The following PCCA variants were observed in gnomAD, a reference collection of about 807,000 sequenced individuals.
The protein encoded by PCCA is propionyl-CoA carboxylase alpha chain, mitochondrial.
PCCA carries 74 observed loss-of-function variants against 101.3 expected under a neutral mutation model. That is an observed-to-expected ratio of 0.73 (90% confidence interval 0.61 to 0.89). The LOEUF is 0.89. Ranked by LOEUF, PCCA falls within the 40% of genes least tolerant of loss-of-function variation. The pLI is 0.00. For missense variants in PCCA, 891 were observed against 907.0 expected (o/e 0.98, Z 0.23); for synonymous variants, 294 against 313.6 (o/e 0.94, Z 0.66).
At chr13:100,228,545 C>T (rs996732498) in intron 7 of PCCA, among the ~76,000 whole-genome samples, 4 of 151,838 alleles carry the variant, frequency 2.6e-5, no homozygotes, top group Admixed American at 6.6e-5. Context: ...CAAATATTGC[C>T]AAGCTGTATT....
chr13:100,502,203 AATCC>A (rs981723805), intron 21 of PCCA, among the ~76,000 whole-genome samples: 20 of 152,184 alleles, frequency 1.3e-4, no homozygotes, highest in Admixed American at 2.0e-4. Flanking sequence ...GATAAAAGTG[AATCC>A]ATCTCGTTCA....
At position 100,530,421 on chromosome 13, in the gene PCCA, G is replaced by A. The variant is rs2088325654; in HGVS notation, c.*255G>A. 1.7e-6 allele frequency: 1 copy of A among 574,188 alleles called. No homozygotes were observed. Among genetic ancestry groups the A allele is most frequent in the Non-Finnish European group, 3.1e-6 (1 of 320,902 alleles). The allele number at this position is 574,188 out of a possible 1,614,324, so 35.6% of individuals were successfully genotyped here. A position where few individuals can be genotyped will look rare whatever the true frequency, so the allele number is the denominator to read the frequency against. On this transcript the variant is annotated 3_prime_UTR_variant, in exon 24 of 24. Transcript: ENST00000376285. ...GTGTCAAAATTAAATCAATAAAACT[G>A]AGCATTTGTCTAAATATTAGTTTGC...
intron 12 of PCCA, among the ~76,000 whole-genome samples, chr13:100,298,049 C>T (rs928347257): frequency 4.4e-4 from 67 of 150,908 alleles, no homozygotes; most frequent in South Asian, 2.1e-4. Context: ...CATGCTAATA[C>T]GTTAACAATG....
intron 22 of PCCA, among the ~76,000 whole-genome samples, chr13:100,519,113 G>T (rs1036529766): frequency 8.5e-5 from 13 of 152,162 alleles, no homozygotes; most frequent in African/African-American, 3.1e-4. Context: ...TTTTAATATT[G>T]CATTTAGTTA....
intron 19 of PCCA, among the ~76,000 whole-genome samples, chr13:100,401,546 G>GT (rs1241095159): frequency 6.6e-6 from 1 of 150,944 alleles, no homozygotes; most frequent in African/African-American, 2.5e-5. Flanking sequence ...CCAGCCAACT[G>GT]TTTTTTTGTG....
intron 12 of PCCA, 111 bp from the exon 13 acceptor site, chr13:100,301,349 G>T: frequency 8.8e-7 from 1 of 1,132,352 alleles, no homozygotes; most frequent in Non-Finnish European, 1.3e-6. Context: ...ATGTTCAAAT[G>T]TTACATTCGA....
chr13:100,381,251 T>C (rs2076207574), intron 19 of PCCA, among the ~76,000 whole-genome samples: 1 of 151,934 alleles, frequency 6.6e-6, no homozygotes, highest in South Asian at 2.1e-4. Flanking sequence ...AGCTGGGGCA[T>C]GGTGATGGGC....
chr13:100,101,211 A>G (rs1489410609), intron 1 of PCCA, among the ~76,000 whole-genome samples: 1 of 152,184 alleles, frequency 6.6e-6, no homozygotes, highest in African/African-American at 2.4e-5. Context: ...GAACAATATC[A>G]TATCTTTGAG....
intron 21 of PCCA, among the ~76,000 whole-genome samples, chr13:100,503,231 C>T (rs886447708): frequency 6.6e-6 from 1 of 152,250 alleles, no homozygotes; most frequent in Non-Finnish European, 1.5e-5. Context: ...TGGCTCACGC[C>T]TGTAATCCCA....
intron 21 of PCCA, among the ~76,000 whole-genome samples, chr13:100,509,826 T>G (rs77269281): frequency 3.3e-5 from 5 of 149,454 alleles, no homozygotes; most frequent in African/African-American, 1.2e-4. Context: ...TTTTGTGTTT[T>G]TTTTGTTTTG....
At chr13:100,332,896 C>T (rs942043029) in intron 17 of PCCA, among the ~76,000 whole-genome samples, 1 of 152,102 alleles carries the variant, frequency 6.6e-6, no homozygotes, top group African/African-American at 2.4e-5. Context: ...AACTAGAGCT[C>T]AGAGATATCA....
chr13:100,514,220 CA>C (rs1221623507), intron 21 of PCCA, among the ~76,000 whole-genome samples: 1 of 152,142 alleles, frequency 6.6e-6, no homozygotes, highest in African/African-American at 2.4e-5. Context: ...AAGAAACATG[CA>C]AAAGATGTTA....
chr13:100,491,874 G>C (rs890620437), intron 21 of PCCA: 16 of 645,800 alleles, frequency 2.5e-5, no homozygotes, highest in South Asian at 6.0e-5. Context: ...AGTTAAATGA[G>C]AATCAAGTGG....
At chr13:100,402,260 GT>G (rs888386767) in intron 19 of PCCA, among the ~76,000 whole-genome samples, 75 of 144,010 alleles carry the variant, frequency 5.2e-4, no homozygotes, top group Non-Finnish European at 8.9e-4. Flanking sequence ...TTTGTTTTTT[GT>G]TTTTTTTTTA....
At chr13:100,216,954 C>T (rs556597870) in intron 7 of PCCA, among the ~76,000 whole-genome samples, 148 of 150,362 alleles carry the variant, frequency 9.8e-4, no homozygotes, top group African/African-American at 3.3e-3. Context: ...ACTGAAAATA[C>T]AAAAAATATT....
chr13:100,154,232 G>A lies in PCCA; in HGVS notation c.301-747G>A, dbSNP rs142143644. 9.1e-3 allele frequency among the ~76,000 whole-genome samples: 1,383 copies of A among 152,188 alleles called. 8 individuals carry two copies. The highest frequency in any genetic ancestry group is 0.032 in the South Asian group (153 of 4,820). ...AGTTAAAAAGAATAGACTCCTTTTA[G>A]AACTAAGCAGTTTACTCTTTTTCAT... On this transcript the variant is annotated intron_variant, in intron 4 of 23. Transcript: ENST00000376285.
intron 21 of PCCA, among the ~76,000 whole-genome samples, chr13:100,500,421 G>A (rs745706589): frequency 1.7e-4 from 26 of 152,106 alleles, no homozygotes; most frequent in Non-Finnish European, 3.4e-4. Flanking sequence ...ATAATAACAT[G>A]TGCATTCCAT....
intron 19 of PCCA, among the ~76,000 whole-genome samples, chr13:100,397,223 G>T (rs1304154590): frequency 1.3e-5 from 2 of 152,132 alleles, no homozygotes; most frequent in East Asian, 1.9e-4. Context: ...ATCTGCATTG[G>T]CTGGGTCGAG....
chr13:100,214,415 T>TG lies in PCCA; in HGVS notation c.600+4952_600+4953insG, dbSNP rs1555381524. 5.3e-5 allele frequency among the ~76,000 whole-genome samples: 8 copies of TG among 151,094 alleles called. No individual in the cohort carries two copies. In the South Asian group the frequency reaches 6.3e-4, roughly 12 times the overall value. Reference sequence around the variant, plus strand: ...GCATCAACGTTTTATAGTTGTTTTTTTGTGTGTGTGTGTGTGTGTTTTTTT... The same window carrying TG: ...GCATCAACGTTTTATAGTTGTTTTTTGTGTGTGTGTGTGTGTGTGTTTTTTT... On this transcript the variant is annotated intron_variant, in intron 7 of 23. Transcript: ENST00000376285.
Sources: allele counts gnomAD v4.1 joint callset (sites outside exome capture counted in the v4.1 genomes callset), GRCh38; gene constraint gnomAD v4.1.1; transcripts MANE v1.5; gene names NCBI Gene and HGNC (gene_info 2026-07-23, HGNC 2026-07-21).